The following DMRTA2 variants were observed in gnomAD, a reference collection of about 807,000 sequenced individuals.
DMRTA2 encodes the protein doublesex- and mab-3-related transcription factor A2.
In DMRTA2, 10 loss-of-function variants were observed where a neutral mutation model predicts 29.7. That is an observed-to-expected ratio of 0.34 (90% confidence interval 0.21 to 0.57). The LOEUF is 0.57. Ranked by LOEUF, DMRTA2 falls within the 20% of genes least tolerant of loss-of-function variation. The probability of loss-of-function intolerance (pLI) is 0.87; values close to 1 mark genes in which losing one functional copy is unlikely to be tolerated. For missense variants in DMRTA2, 783 were observed against 812.1 expected (o/e 0.96, Z 0.44); for synonymous variants, 469 against 402.6 (o/e 1.16, Z -1.97).
chr1:50,420,946 T>G lies in DMRTA2; in HGVS notation c.559+32A>C. ...CCGTGCCCCAGAGCTACGATCCTGCTGCCCCTACCTGCGGCCTGGCCGCGC... is the reference window on the plus strand; with the variant it reads ...CCGTGCCCCAGAGCTACGATCCTGCGGCCCCTACCTGCGGCCTGGCCGCGC... On this transcript the variant is annotated intron_variant, in intron 2 of 2. Transcript: ENST00000404795. This position sits in a 1 kb window ranked among gnomAD's most constrained non-coding sequence, Gnocchi z 4.1. 7.0e-7 allele frequency: 1 copy of G among 1,423,106 alleles called. No homozygotes were observed. The highest frequency in any genetic ancestry group is 1.5e-5 in the South Asian group (1 of 67,342). The allele number at this position is 1,423,106 out of a possible 1,614,324, so 88.2% of individuals were successfully genotyped here. A position where few individuals can be genotyped will look rare whatever the true frequency, so the allele number is the denominator to read the frequency against.
In DMRTA2 at chr1:50,419,527, G is replaced by T; in HGVS notation, c.767C>A (p.Ser256Tyr). The T allele has an allele frequency of 6.3e-7, 1 of 1,586,536 alleles. No individual in the cohort carries two copies. The change falls in exon 3 of 3, where the codon TCC (serine) becomes TAC (tyrosine). Residue 256 changes from serine to tyrosine, a missense_variant. By Grantham distance (144) the Ser-to-Tyr change is moderately radical. Around this residue, in one of 3 missense-constraint regions of DMRTA2, gnomAD observed 667 missense variants for 624.8 expected, o/e 1.07. Transcript: ENST00000404795. This position sits in a 1 kb window ranked among gnomAD's most constrained non-coding sequence, Gnocchi z 6.1. ...TGGGCAGCTGCCACCTGCCTCTTTG[G>T]AGGCCCGAGCTAGGGGCGAACCAGA... ...SFSGSPLARA[S>Y]KEAGGSCPGS...
chr1:50,419,030 C>A lies in DMRTA2; in HGVS notation c.1264G>T (p.Gly422Cys). 7.2e-7 allele frequency: 1 copy of A among 1,387,304 alleles called. No individual in the cohort carries two copies. The highest frequency in any genetic ancestry group is 1.5e-5 in the African/African-American group (1 of 65,700). The allele number at this position is 1,387,304 out of a possible 1,614,324, so 85.9% of individuals were successfully genotyped here. The change falls in exon 3 of 3, where the codon GGC (glycine) becomes TGC (cysteine). Residue 422 changes from glycine (G) to cysteine (C), a missense_variant. Physicochemically the swap from Gly to Cys is radical, Grantham distance 159. Around this residue, in one of 3 missense-constraint regions of DMRTA2, gnomAD observed 667 missense variants for 624.8 expected, o/e 1.07. Coordinates refer to ENST00000404795, the MANE Select transcript of DMRTA2 (RefSeq NM_032110.3). The surrounding 1 kb of genome is among the most constrained non-coding windows in gnomAD (Gnocchi z 6.1). The stretch of plus-strand genomic sequence containing the variant: ...CCCAGCGCCCCAGGCGCCATGGCGC[C>A]GGCCAGCAAGGGTCTGTGGTGCGGA... ...APPHHRPLLA[G>C]AMAPGALGSL...
At position 50,421,112 on chromosome 1, in the gene DMRTA2, G is replaced by T; in HGVS notation, c.425C>A (p.Ala142Asp). ...CGGGGGGATGATGCCGTTGGCGGCG[G>T]CCAGCGCCAGCCCCTCGGCAGTGCC... is the stretch of plus-strand genomic sequence containing the variant. ...LYGTAEGLAL[A>D]AANGIIPPRP... The change falls in exon 2 of 3, where the codon GCC becomes GAC. Residue 142 changes from alanine to aspartate, a missense_variant. Around this residue, in one of 3 missense-constraint regions of DMRTA2, gnomAD observed 667 missense variants for 624.8 expected, o/e 1.07. Coordinates refer to ENST00000404795, the MANE Select transcript of DMRTA2 (RefSeq NM_032110.3). This position sits in a 1 kb window ranked among gnomAD's most constrained non-coding sequence, Gnocchi z 8.7. The T allele has an allele frequency of 1.3e-6, 2 of 1,525,496 alleles. No individual in the cohort carries two copies. Among genetic ancestry groups the T allele is most frequent in the South Asian group, 1.2e-5 (1 of 82,656 alleles). 94.5% of individuals were successfully genotyped at this position (1,525,496 alleles called of 1,614,324 possible). A position where few individuals can be genotyped will look rare whatever the true frequency, so the allele number is the denominator to read the frequency against.
rs940099584 is a variant in DMRTA2, at chr1:50,419,798, G to C, written c.560-64C>G. 31 of 1,340,838 alleles carry C rather than the reference G, an allele frequency of 2.3e-5. No individual in the cohort carries two copies. Among genetic ancestry groups the C allele is most frequent in the Non-Finnish European group, 2.9e-5 (30 of 1,019,610 alleles). 83.1% of individuals were successfully genotyped at this position (1,340,838 alleles called of 1,614,324 possible). ...TAGAAGACAGCAGTCACAGCACCTCGGCCCTTTGGATCTCAGTTTCCTCTC... is the reference window on the plus strand; with the variant it reads ...TAGAAGACAGCAGTCACAGCACCTCCGCCCTTTGGATCTCAGTTTCCTCTC... On this transcript the variant is annotated intron_variant, in intron 2 of 2. Transcript: ENST00000404795. This position sits in a 1 kb window ranked among gnomAD's most constrained non-coding sequence, Gnocchi z 6.1.
rs920667055 is a variant in DMRTA2, at chr1:50,420,631, A to G, written c.559+347T>C. On this transcript the variant is annotated intron_variant, in intron 2 of 2. Transcript: ENST00000404795. This position sits in a 1 kb window ranked among gnomAD's most constrained non-coding sequence, Gnocchi z 4.1. Reference sequence around the variant, plus strand: ...AGGAGCAGAGGGAAAGGGCCTGTGGAGAAGCGCAGAGCGAACGAAGATGCG... The same window carrying G: ...AGGAGCAGAGGGAAAGGGCCTGTGGGGAAGCGCAGAGCGAACGAAGATGCG... Among the ~76,000 whole-genome samples, 1 of 152,134 alleles carries G rather than the reference A, an allele frequency of 6.6e-6. No homozygotes were observed. The highest frequency in any genetic ancestry group is 2.4e-5 in the African/African-American group (1 of 41,430).
chr1:50,421,087 C>G lies in DMRTA2; in HGVS notation c.450G>C (p.Pro150=). ...AACCGAAGACCTCGTAGGCGGGCCT[C>G]GGGGGGATGATGCCGTTGGCGGCGG... ...ALAAANGIIP[P]RPAYEVFGSV... is the part of the protein sequence containing the mutation. Residue 150 remains proline, a synonymous_variant, in exon 2 of 3, where the codon CCG becomes CCC. Transcript: ENST00000404795. This position sits in a 1 kb window ranked among gnomAD's most constrained non-coding sequence, Gnocchi z 8.7. The G allele has an allele frequency of 2.0e-6, 3 of 1,522,966 alleles. No individual in the cohort carries two copies. Among genetic ancestry groups the G allele is most frequent in the Non-Finnish European group, 2.6e-6 (3 of 1,140,438 alleles). 94.3% of individuals were successfully genotyped at this position (1,522,966 alleles called of 1,614,324 possible). A position where few individuals can be genotyped will look rare whatever the true frequency, so the allele number is the denominator to read the frequency against.
Position 50,419,863 on chromosome 1 carries a change from C to A in DMRTA2, c.560-129G>T. 1 of 771,458 alleles carries A rather than the reference C, an allele frequency of 1.3e-6. No homozygotes were observed. Among genetic ancestry groups the A allele is most frequent in the South Asian group, 2.6e-5 (1 of 37,992 alleles). 47.8% of individuals were successfully genotyped at this position (771,458 alleles called of 1,614,324 possible). Reference sequence around the variant, plus strand: ...CCCTTATTCACTAGGCTCCAGTGCCCCTCTTTCTTTTTGCTCTAGCATTCC... The same window carrying A: ...CCCTTATTCACTAGGCTCCAGTGCCACTCTTTCTTTTTGCTCTAGCATTCC... On this transcript the variant is annotated intron_variant, in intron 2 of 2. Transcript: ENST00000404795. This position sits in a 1 kb window ranked among gnomAD's most constrained non-coding sequence, Gnocchi z 6.1.
In DMRTA2 at chr1:50,419,827, C is replaced by T; in HGVS notation, c.560-93G>A. On this transcript the variant is annotated intron_variant, in intron 2 of 2. Coordinates refer to ENST00000404795, the MANE Select transcript of DMRTA2 (RefSeq NM_032110.3). This position sits in a 1 kb window ranked among gnomAD's most constrained non-coding sequence, Gnocchi z 6.1. ...CTTTGGATCTCAGTTTCCTCTCCCT[C>T]AGCCCCACAGCCCTTATTCACTAGG... The T allele has an allele frequency of 9.5e-7, 1 of 1,053,072 alleles. No homozygotes were observed. The highest frequency in any genetic ancestry group is 1.3e-6 in the Non-Finnish European group (1 of 763,020). 65.2% of individuals were successfully genotyped at this position (1,053,072 alleles called of 1,614,324 possible). A position where few individuals can be genotyped will look rare whatever the true frequency, so the allele number is the denominator to read the frequency against.
chr1:50,420,937 C>T lies in DMRTA2; in HGVS notation c.559+41G>A. The T allele has an allele frequency of 1.4e-6, 2 of 1,407,614 alleles. No homozygotes were observed. Among genetic ancestry groups the T allele is most frequent in the Non-Finnish European group, 1.8e-6 (2 of 1,090,936 alleles). 87.2% of individuals were successfully genotyped at this position (1,407,614 alleles called of 1,614,324 possible). The stretch of plus-strand genomic sequence containing the variant: ...CCCTGGGCCCCGTGCCCCAGAGCTA[C>T]GATCCTGCTGCCCCTACCTGCGGCC... On this transcript the variant is annotated intron_variant, in intron 2 of 2. Coordinates refer to ENST00000404795, the MANE Select transcript of DMRTA2 (RefSeq NM_032110.3). The surrounding 1 kb of genome is among the most constrained non-coding windows in gnomAD (Gnocchi z 4.1).
chr1:50,419,348 G>T lies in DMRTA2; in HGVS notation c.946C>A (p.Pro316Thr), dbSNP rs1215227851. 6.3e-7 allele frequency: 1 copy of T among 1,596,858 alleles called. No homozygotes were observed. Reference sequence around the variant, plus strand: ...AACACGCGTGTCAAGATATCCAGCGGCGTCCGCTGCCGTGGACCCGAGCCT... The same window carrying T: ...AACACGCGTGTCAAGATATCCAGCGTCGTCCGCTGCCGTGGACCCGAGCCT... The part of the protein sequence containing the change: ...GGGSGPRQRT[P>T]LDILTRVFPG... The change falls in exon 3 of 3, where the codon CCG (proline) becomes ACG (threonine). Residue 316 changes from proline (P) to threonine (T), a missense_variant. This residue lies in a region of DMRTA2 where 667 missense variants were observed against 624.8 expected (regional missense o/e 1.07). Coordinates refer to ENST00000404795, the MANE Select transcript of DMRTA2 (RefSeq NM_032110.3). This position sits in a 1 kb window ranked among gnomAD's most constrained non-coding sequence, Gnocchi z 6.1.
Position 50,419,711 on chromosome 1 carries a change from G to T in DMRTA2, c.583C>A (p.Leu195Met). ...GCCTGCAGCAGCGTCTTAGGAAACA[G>T]GTCAAACTTCTGCAACTTGGCCTCT... ...GSEAKLQKFD[L>M]FPKTLLQAGR... Residue 195 changes from leucine (L) to methionine (M), a missense_variant, in exon 3 of 3, where the codon CTG becomes ATG. Leu to Met is a conservative substitution (Grantham distance 15, BLOSUM62 2). Transcript: ENST00000404795. This position sits in a 1 kb window ranked among gnomAD's most constrained non-coding sequence, Gnocchi z 6.1. The T allele has an allele frequency of 6.7e-7, 1 of 1,487,078 alleles. No homozygotes were observed. The highest frequency in any genetic ancestry group is 1.4e-5 in the South Asian group (1 of 71,430). 92.1% of individuals were successfully genotyped at this position (1,487,078 alleles called of 1,614,324 possible). A position where few individuals can be genotyped will look rare whatever the true frequency, so the allele number is the denominator to read the frequency against.
rs777814885 is a variant in DMRTA2, at chr1:50,418,826, C to G, written c.1468G>C (p.Gly490Arg). The G allele has an allele frequency of 1.3e-5, 21 of 1,587,088 alleles. No individual in the cohort carries two copies. The highest frequency in any genetic ancestry group is 1.8e-5 in the Non-Finnish European group (21 of 1,169,626). ...CGGAAGCCGAGCGTGGGCACCAAGC[C>G]GGCAGTGGAGTAGGGCGCCATGAAG... ...LAFMAPYSTA[G>R]LVPTLGFRPP... Residue 490 changes from glycine (G) to arginine (R), a missense_variant, in exon 3 of 3, where the codon GGC becomes CGC. Around this residue, in one of 3 missense-constraint regions of DMRTA2, gnomAD observed 667 missense variants for 624.8 expected, o/e 1.07. Transcript: ENST00000404795.
chr1:50,419,209 A>C lies in DMRTA2; in HGVS notation c.1085T>G (p.Leu362Arg). ...NHHRGGLAAG[L>R]GPAAPPDKAA... ...CTTATCTGGGGGCGCCGCAGGGCCC[A>C]GGCCGGCCGCCAGGCCCCCACGGTG... The change falls in exon 3 of 3, where the codon CTG becomes CGG. Residue 362 changes from leucine (L) to arginine (R), a missense_variant. By Grantham distance (102) the Leu-to-Arg change is moderately radical. Transcript: ENST00000404795. The surrounding 1 kb of genome is among the most constrained non-coding windows in gnomAD (Gnocchi z 6.1). 1 of 1,381,416 alleles carries C rather than the reference A, an allele frequency of 7.2e-7. No individual in the cohort carries two copies. The allele number at this position is 1,381,416 out of a possible 1,614,324, so 85.6% of individuals were successfully genotyped here. A position where few individuals can be genotyped will look rare whatever the true frequency, so the allele number is the denominator to read the frequency against.
chr1:50,423,074 G>C (rs1187397669), intron 1 of DMRTA2, 42 bp downstream of exon 1: 1 of 152,498 alleles, frequency 6.6e-6, no homozygotes, highest in African/African-American at 2.4e-5. Context: ...CCGCAGACCA[G>C]GTCTCCACCC....
rs1027230218 is a variant in DMRTA2, at chr1:50,422,791, A to G, written c.-9+325T>C. Among the ~76,000 whole-genome samples, 2 of 151,914 alleles carry G rather than the reference A, an allele frequency of 1.3e-5. No individual in the cohort carries two copies. Among genetic ancestry groups the G allele is most frequent in the African/African-American group, 4.8e-5 (2 of 41,364 alleles). On this transcript the variant is annotated intron_variant, in intron 1 of 2. Transcript: ENST00000404795. The surrounding 1 kb of genome is among the most constrained non-coding windows in gnomAD (Gnocchi z 5.7). ...GGACACGGATGGCCCAGCAGGCCGC[A>G]CCAAGCCAGGGGAGTCGCCTTCGCA...
At position 50,422,199 on chromosome 1, in the gene DMRTA2, C is replaced by G. The variant is rs1646043625; in HGVS notation, c.-8-655G>C. On this transcript the variant is annotated intron_variant, in intron 1 of 2. Coordinates refer to ENST00000404795, the MANE Select transcript of DMRTA2 (RefSeq NM_032110.3). This position sits in a 1 kb window ranked among gnomAD's most constrained non-coding sequence, Gnocchi z 5.7. ...ATAGCTTTAGGAAGCAGAGTGAGGA[C>G]GAGGAAACAACTTGGGCAAAGTTAG... 6.6e-6 allele frequency among the ~76,000 whole-genome samples: 1 copy of G among 152,040 alleles called. No individual in the cohort carries two copies. Among genetic ancestry groups the G allele is most frequent in the African/African-American group, 2.4e-5 (1 of 41,352 alleles).
At position 50,421,599 on chromosome 1, in the gene DMRTA2, G is replaced by T; in HGVS notation, c.-8-55C>A. 1 of 1,218,994 alleles carries T rather than the reference G, an allele frequency of 8.2e-7. No individual in the cohort carries two copies. The highest frequency in any genetic ancestry group is 3.3e-5 in the East Asian group (1 of 30,122). The allele number at this position is 1,218,994 out of a possible 1,614,324, so 75.5% of individuals were successfully genotyped here. On this transcript the variant is annotated intron_variant, in intron 1 of 2. Coordinates refer to ENST00000404795, the MANE Select transcript of DMRTA2 (RefSeq NM_032110.3). This position sits in a 1 kb window ranked among gnomAD's most constrained non-coding sequence, Gnocchi z 8.7. ...AGACCTGGTGAGGAGCACACCGCGCGCTAGGCCAAAGCGCCGCCTTGAGGA... is the reference window on the plus strand; with the variant it reads ...AGACCTGGTGAGGAGCACACCGCGCTCTAGGCCAAAGCGCCGCCTTGAGGA...
Position 50,423,352 on chromosome 1 carries a change from C to G in DMRTA2, c.-245G>C, listed in dbSNP as rs1646053287. 6.6e-6 allele frequency: 1 copy of G among 152,244 alleles called. No individual in the cohort carries two copies. Among genetic ancestry groups the G allele is most frequent in the Non-Finnish European group, 1.5e-5 (1 of 68,058 alleles). The allele number at this position is 152,244 out of a possible 1,614,324, so 9.4% of individuals were successfully genotyped here. A position where few individuals can be genotyped will look rare whatever the true frequency, so the allele number is the denominator to read the frequency against. ...CGGGCCGCGTGGTTGGAACCCGCGA[C>G]CTGACTCTCGCCGTGCCGGGTCCCC... On this transcript the variant is annotated 5_prime_UTR_variant, in exon 1 of 3. Coordinates refer to ENST00000404795, the MANE Select transcript of DMRTA2 (RefSeq NM_032110.3).
Position 50,421,195 on chromosome 1 carries a change from C to G in DMRTA2, c.342G>C (p.Ala114=). Residue 114 remains alanine, a synonymous_variant, in exon 2 of 3, where the codon GCG becomes GCC. Coordinates refer to ENST00000404795, the MANE Select transcript of DMRTA2 (RefSeq NM_032110.3). This position sits in a 1 kb window ranked among gnomAD's most constrained non-coding sequence, Gnocchi z 8.7. ...CCTCCTGCGCCTGCTGCCTGCGCAG[C>G]GCCACCTGCGCCGCCATGACACGCT... ...ERQRVMAAQV[A]LRRQQAQEEN... is the part of the protein sequence containing the mutation. The G allele has an allele frequency of 6.5e-7, 1 of 1,537,412 alleles. No homozygotes were observed. The highest frequency in any genetic ancestry group is 8.8e-7 in the Non-Finnish European group (1 of 1,141,862).
Sources: gnomAD v4.1 joint callset for allele counts (sites outside exome capture counted in the v4.1 genomes callset) on GRCh38, gnomAD v4.1.1 for gene constraint, gnomAD v4.1.1 regional missense constraint, Gnocchi (gnomAD v3.1) non-coding constraint, MANE v1.5 for transcripts, NCBI Gene and HGNC (gene_info 2026-07-23, HGNC 2026-07-21) for gene names.